DPY19L3: variants seen among roughly 807,000 people sequenced by gnomAD.
DPY19L3 encodes the protein dpy-19 like C-mannosyltransferase 3, also known as protein C-mannosyl-transferase DPY19L3.
In DPY19L3, 51 loss-of-function variants were observed where a neutral mutation model predicts 92.3. The observed-to-expected ratio is 0.55, with a 90% CI of 0.44 to 0.70. The LOEUF is 0.70. Ranked by LOEUF, DPY19L3 falls within the 30% of genes least tolerant of loss-of-function variation. The probability of loss-of-function intolerance (pLI) is 0.00; values close to 1 mark genes in which losing one functional copy is unlikely to be tolerated. For synonymous variants in DPY19L3, 309 were observed against 315.2 expected (o/e 0.98, Z 0.21); for missense variants, 706 against 855.9 (o/e 0.82, Z 2.18).
In DPY19L3 at chr19:32,477,610, C is replaced by T. The variant is rs1401300876; in HGVS notation, c.1786C>T (p.His596Tyr). ...KLCTGRTLTN[H>Y]PHYEDSSLRE... is the part of the protein sequence containing the mutation. ...GTGCACGGGAAGGACCCTAACCAAC[C>T]ACCCGCACTATGAAGACAGCAGCCT... Residue 596 changes from histidine (H) to tyrosine (Y), a missense_variant, in exon 17 of 19, where the codon CAC becomes TAC. Physicochemically the swap from His to Tyr is moderately conservative, Grantham distance 83 (BLOSUM62 2). Transcript: ENST00000392250. 1 of 1,614,032 alleles carries T rather than the reference C, an allele frequency of 6.2e-7. No homozygotes were observed. The highest frequency in any genetic ancestry group is 2.2e-5 in the East Asian group (1 of 44,888).
intron 3 of DPY19L3, 97 bp from the exon 4 acceptor site, chr19:32,432,619 C>A (rs1969005740): frequency 2.0e-6 from 2 of 993,276 alleles, no homozygotes; most frequent in Non-Finnish European, 1.5e-6. Context: ...AGAGTTTTTT[C>A]TCTTTCAAGT....
intron 3 of DPY19L3, among the ~76,000 whole-genome samples, chr19:32,431,394 C>T (rs1162491247): frequency 3.3e-5 from 5 of 150,832 alleles, no homozygotes; most frequent in South Asian, 2.1e-4. Context: ...AAAAACAGAT[C>T]GAATTATATT....
intron 3 of DPY19L3, among the ~76,000 whole-genome samples, chr19:32,414,424 AAAAC>A (rs999961594): frequency 4.6e-5 from 7 of 151,006 alleles, no homozygotes; most frequent in South Asian, 2.1e-4. Flanking sequence ...CCAAAAAAAA[AAAAC>A]AAACAAACAA....
At chr19:32,481,880 TC>T in intron 18 of DPY19L3, 198 bp from the exon 19 acceptor site, 1 of 597,160 alleles carries the variant, frequency 1.7e-6, no homozygotes, top group Non-Finnish European at 2.9e-6. Flanking sequence ...CGCTGCACTC[TC>T]CTTCTCAGCC....
chr19:32,447,632 C>G (rs1969541151), intron 8 of DPY19L3, among the ~76,000 whole-genome samples: 1 of 152,000 alleles, frequency 6.6e-6, no homozygotes, highest in Admixed American at 6.6e-5. Flanking sequence ...AGGAGAATCA[C>G]TTGAATCCAG....
intron 5 of DPY19L3, 53 bp downstream of exon 5, chr19:32,436,620 A>G (rs1235503666): frequency 3.7e-6 from 5 of 1,350,182 alleles, no homozygotes; most frequent in South Asian, 2.0e-5. Context: ...AAAGTCTGCC[A>G]TTTTGAACTG....
intron 8 of DPY19L3, among the ~76,000 whole-genome samples, chr19:32,442,519 CAT>C (rs1969356365): frequency 6.6e-6 from 1 of 152,108 alleles, no homozygotes; most frequent in Non-Finnish European, 1.5e-5. Flanking sequence ...ATATAACAAA[CAT>C]AAGAGGAATT....
At chr19:32,462,115 G>A (rs920052713) in intron 12 of DPY19L3, among the ~76,000 whole-genome samples, 2 of 152,140 alleles carry the variant, frequency 1.3e-5, no homozygotes, top group Non-Finnish European at 2.9e-5. Flanking sequence ...ATAGCAACAT[G>A]CCAGCATCAC....
In DPY19L3 at chr19:32,458,478, G is replaced by A. The variant is rs1164342970; in HGVS notation, c.1291G>A (p.Val431Ile). The change falls in exon 12 of 19, where the codon GTA (valine) becomes ATA (isoleucine). Residue 431 changes from valine (V) to isoleucine (I), a missense_variant. Val to Ile is a conservative substitution (Grantham distance 29). Transcript: ENST00000392250. ...YIFVLSITVI[V>I]AFVVAFHNLS... ...ATTCGTTCTGTCCATCACAGTGATT[G>A]TAGCATTCGTTGTTGCCTTTCATAA... The A allele has an allele frequency of 3.1e-6, 5 of 1,612,114 alleles. No homozygotes were observed. Among genetic ancestry groups the A allele is most frequent in the South Asian group, 2.2e-5 (2 of 90,474 alleles).
At chr19:32,411,464 C>A (rs746700194) in intron 3 of DPY19L3, 92 bp downstream of exon 3, 1 of 1,400,422 alleles carries the variant, frequency 7.1e-7, no homozygotes, top group East Asian at 2.3e-5. Flanking sequence ...CACAGTTTTG[C>A]CATAAAGAAT....
chr19:32,477,483 C>G (rs1400569078), intron 16 of DPY19L3, 39 bp from the exon 17 acceptor site: 1 of 1,613,060 alleles, frequency 6.2e-7, no homozygotes, highest in South Asian at 1.1e-5. Context: ...TTAAGGATCT[C>G]TTAACAGTGG....
chr19:32,459,791 C>G (rs1969980055), intron 12 of DPY19L3, among the ~76,000 whole-genome samples: 1 of 152,116 alleles, frequency 6.6e-6, no homozygotes, highest in African/African-American at 2.4e-5. Flanking sequence ...CTTCATCTGC[C>G]AGATAGGGAT....
intron 12 of DPY19L3, among the ~76,000 whole-genome samples, chr19:32,460,897 T>C (rs1316544683): frequency 8.8e-6 from 1 of 113,916 alleles, no homozygotes; most frequent in African/African-American, 3.5e-5. Context: ...GAAATGCATC[T>C]CGCTCTTGCC....
At chr19:32,419,460 C>T (rs1968491389) in intron 3 of DPY19L3, among the ~76,000 whole-genome samples, 1 of 151,552 alleles carries the variant, frequency 6.6e-6, no homozygotes, top group Admixed American at 6.6e-5. Flanking sequence ...CGTGCCCGGC[C>T]TATTTGTACC....
At chr19:32,479,151 A>G (rs1970598540) in intron 17 of DPY19L3, among the ~76,000 whole-genome samples, 2 of 152,216 alleles carry the variant, frequency 1.3e-5, no homozygotes, top group Non-Finnish European at 2.9e-5. Context: ...GCCTAAAAGC[A>G]GATGATTTTT....
chr19:32,423,691 TAAA>T (rs941460338), intron 3 of DPY19L3, among the ~76,000 whole-genome samples: 1 of 151,942 alleles, frequency 6.6e-6, no homozygotes, highest in African/African-American at 2.4e-5. Flanking sequence ...TAACACAAGA[TAAA>T]AGAAGAAGGG....
chr19:32,425,234 A>G (rs1477208013), intron 3 of DPY19L3, among the ~76,000 whole-genome samples: 1 of 152,200 alleles, frequency 6.6e-6, no homozygotes, highest in African/African-American at 2.4e-5. Flanking sequence ...GTGTTCATCA[A>G]AATTAGACAT....
chr19:32,437,778 G>GTT (rs201843801), intron 6 of DPY19L3, among the ~76,000 whole-genome samples: 2 of 121,314 alleles, frequency 1.6e-5, no homozygotes, highest in African/African-American at 5.1e-5. Flanking sequence ...AGTTTTTTGG[G>GTT]TTTTTTTCTT....
intron 3 of DPY19L3, among the ~76,000 whole-genome samples, chr19:32,430,331 C>T (rs116947369): frequency 0.018 from 2,731 of 152,104 alleles, 253 homozygotes; most frequent in Admixed American, 0.15. Flanking sequence ...TACGATGAGC[C>T]GTGATCATGC....
Sources: allele counts gnomAD v4.1 joint callset (sites outside exome capture counted in the v4.1 genomes callset), GRCh38; gene constraint gnomAD v4.1.1; transcripts MANE v1.5; gene names NCBI Gene and HGNC (gene_info 2026-07-23, HGNC 2026-07-21).